Variants in PRSS23 observed in about 807,000 individuals in gnomAD.
PRSS23 encodes protease, serine 23.
PRSS23 carries 25 observed loss-of-function variants against 34.7 expected under a neutral mutation model. The observed-to-expected ratio is 0.72, with a 90% CI of 0.53 to 1.01. PRSS23 has a LOEUF of 1.01. Ranked by LOEUF, PRSS23 falls within the 50% of genes least tolerant of loss-of-function variation. The probability of loss-of-function intolerance (pLI) is 0.00; values close to 1 mark genes in which losing one functional copy is unlikely to be tolerated. For synonymous variants in PRSS23, 176 were observed against 186.6 expected, an observed-to-expected ratio of 0.94 and a Z score of 0.46; for missense variants, 445 against 475.6, an observed-to-expected ratio of 0.94 and a Z score of 0.60.
At chr11:86,934,108 A>C (rs1949144679) in intron 2 of PRSS23, 1 of 152,146 alleles carries the variant, frequency 6.6e-6, no homozygotes, top group Non-Finnish European at 1.5e-5. Flanking sequence ...TATTTCCCCC[A>C]GTTCGGAATG....
chr11:86,884,066 C>A (rs1432429502), intron 2 of PRSS23, among the ~76,000 whole-genome samples: 2 of 152,124 alleles, frequency 1.3e-5, no homozygotes, highest in Admixed American at 6.5e-5. Context: ...ATATTTAATT[C>A]TCTCTTATGG....
intron 1 of PRSS23, among the ~76,000 whole-genome samples, chr11:86,816,251 AGCCCACCTCGGT>A (rs1306416179): frequency 2.0e-5 from 3 of 152,170 alleles, no homozygotes. Flanking sequence ...AATGTCCTCA[AGCCCACCTCGGT>A]GCCAGTCACT....
intron 1 of PRSS23, among the ~76,000 whole-genome samples, chr11:86,801,201 G>A (rs1266163607): frequency 6.6e-6 from 1 of 152,192 alleles, no homozygotes; most frequent in African/African-American, 2.4e-5. Context: ...GTCCGTGTGC[G>A]TTCCGGGGGT....
chr11:86,919,494 T>C (rs1949034102), intron 2 of PRSS23, among the ~76,000 whole-genome samples: 1 of 152,152 alleles, frequency 6.6e-6, no homozygotes, highest in African/African-American at 2.4e-5. Flanking sequence ...CTATTTCTAA[T>C]TGAAAGCCAT....
intron 2 of PRSS23, among the ~76,000 whole-genome samples, chr11:86,905,449 A>G (rs1205514196): frequency 6.6e-6 from 1 of 152,174 alleles, no homozygotes; most frequent in East Asian, 1.9e-4. Context: ...GTGGAGAGTC[A>G]TATATGAATC....
chr11:86,842,276 C>T (rs542294393), intron 2 of PRSS23, among the ~76,000 whole-genome samples: 4 of 152,286 alleles, frequency 2.6e-5, no homozygotes, highest in East Asian at 1.9e-4. Flanking sequence ...ATTGATGGAA[C>T]GTATCTCAAA....
chr11:86,870,488 G>A (rs938431204), intron 2 of PRSS23, among the ~76,000 whole-genome samples: 5 of 152,150 alleles, frequency 3.3e-5, no homozygotes, highest in African/African-American at 1.2e-4. Flanking sequence ...GGCATGGAGG[G>A]GAGGGGTAGA....
At chr11:86,857,684 C>G (rs1590897254) in intron 2 of PRSS23, 1 of 577,492 alleles carries the variant, frequency 1.7e-6, no homozygotes, top group East Asian at 5.4e-5. Flanking sequence ...AGCATGTCTT[C>G]TATACATGCA....
intron 2 of PRSS23, among the ~76,000 whole-genome samples, chr11:86,841,678 C>T (rs114187870): frequency 0.023 from 3,529 of 152,200 alleles, 148 homozygotes; most frequent in African/African-American, 0.08. Flanking sequence ...AACTAGAAAT[C>T]TAGAAGAAAT....
At chr11:86,797,588 TTCTC>T (rs1280980690), upstream of PRSS23, among the ~76,000 whole-genome samples, 1 of 152,212 alleles carries the variant, frequency 6.6e-6, no homozygotes, top group Non-Finnish European at 1.5e-5. Context: ...GCCTCAGTTT[TTCTC>T]TCTGAGTGAT....
chr11:86,865,388 C>T (rs898049590), intron 2 of PRSS23, among the ~76,000 whole-genome samples: 1 of 152,172 alleles, frequency 6.6e-6, no homozygotes, highest in Non-Finnish European at 1.5e-5. Flanking sequence ...GCGCCTGGTA[C>T]ATTCTTAATA....
chr11:86,863,986 T>G (rs974874455), intron 2 of PRSS23, among the ~76,000 whole-genome samples: 3 of 152,222 alleles, frequency 2.0e-5, no homozygotes, highest in Admixed American at 6.5e-5. Context: ...GACGAGTTTT[T>G]AAAATGTGTA....
At chr11:86,918,234 C>T (rs1320857237) in intron 2 of PRSS23, among the ~76,000 whole-genome samples, 1 of 152,146 alleles carries the variant, frequency 6.6e-6, no homozygotes, top group East Asian at 1.9e-4. Flanking sequence ...AGAGATGAAG[C>T]TTGGGCAGGG....
At chr11:86,863,854 A>G (rs1318474408) in intron 2 of PRSS23, among the ~76,000 whole-genome samples, 1 of 152,240 alleles carries the variant, frequency 6.6e-6, no homozygotes, top group East Asian at 1.9e-4. Context: ...ATTAAAGAGC[A>G]AGGCTGCATT....
chr11:86,858,507 T>A (rs1368990572), intron 2 of PRSS23, among the ~76,000 whole-genome samples: 3 of 151,878 alleles, frequency 2.0e-5, no homozygotes, highest in Admixed American at 2.0e-4. Flanking sequence ...ACCGCCCCTA[T>A]GATATTGTTC....
At chr11:86,813,060 T>G (rs993120449), downstream of PRSS23, among the ~76,000 whole-genome samples, 6 of 152,188 alleles carry the variant, frequency 3.9e-5, no homozygotes, top group Non-Finnish European at 7.3e-5. Flanking sequence ...ACAGGCATAT[T>G]TATCTGACTC....
chr11:86,919,647 G>A lies in PRSS23; in HGVS notation c.207-31569G>A, dbSNP rs924677240. 1.1e-4 allele frequency among the ~76,000 whole-genome samples: 17 copies of A among 152,310 alleles called. No homozygotes were observed. In the Middle Eastern group the frequency reaches 0.01, roughly 91 times the overall value. The stretch of plus-strand genomic sequence containing the variant: ...AATTGTTCTGCCATTAAGTTGTTAC[G>A]TGATCTTAGTCAAATCATGTTACCT... On this transcript the variant is annotated intron_variant, in intron 2 of 2. Transcript: ENST00000533902.
chr11:86,891,024 T>C (rs1948837893), intron 2 of PRSS23, among the ~76,000 whole-genome samples: 1 of 152,094 alleles, frequency 6.6e-6, no homozygotes, highest in Non-Finnish European at 1.5e-5. Flanking sequence ...TAACCAGGAG[T>C]AAGCAGGTGG....
Position 86,826,444 on chromosome 11 carries a change from A to G in PRSS23, c.206+2851A>G, listed in dbSNP as rs1418621747. ...ACAATCATGTCATCTGCAAACAGGG[A>G]CAATTTGACTTCTTCTTTTCCTAAT... On this transcript the variant is annotated intron_variant, in intron 2 of 2. Transcript: ENST00000533902. 2.0e-5 allele frequency among the ~76,000 whole-genome samples: 3 copies of G among 152,292 alleles called. No individual in the cohort carries two copies. The East Asian group carries it at 5.8e-4, about 29-fold the overall frequency.
Sources: gnomAD v4.1 joint callset for allele counts (sites outside exome capture counted in the v4.1 genomes callset) on GRCh38, gnomAD v4.1.1 for gene constraint, MANE v1.5 for transcripts, NCBI Gene and HGNC (gene_info 2026-07-23, HGNC 2026-07-21) for gene names.